The following STARD13 variants were observed in gnomAD, a reference collection of about 807,000 sequenced individuals.
The protein encoded by STARD13 is stAR-related lipid transfer protein 13.
A neutral mutation model predicts 106.4 loss-of-function variants in STARD13; 62 were observed. The ratio of observed to expected loss-of-function variants is 0.58; its 90% CI spans 0.48 to 0.72. The LOEUF (loss-of-function observed/expected upper bound fraction) is 0.72. STARD13 is among the 30% of genes least tolerant of loss of function. The pLI is 0.00. For synonymous variants in STARD13, 565 were observed against 553.0 expected (o/e 1.02, Z -0.31); for missense variants, 1,387 against 1,424.0 (o/e 0.97, Z 0.42).
At chr13:33,542,831 A>G in the STARD13 span, among the ~76,000 whole-genome samples, 1 of 152,106 alleles carries the variant, frequency 6.6e-6, no homozygotes, top group Non-Finnish European at 1.5e-5. Context: ...CGGCAGCGCC[A>G]TCTGGTGCCG....
At chr13:33,372,162 C>T in the STARD13 span, among the ~76,000 whole-genome samples, 2 of 152,140 alleles carry the variant, frequency 1.3e-5, no homozygotes, top group African/African-American at 4.8e-5. Flanking sequence ...TATATGTAAC[C>T]TCCATATATC....
At chr13:33,599,884 G>A in the STARD13 span, among the ~76,000 whole-genome samples, 6 of 152,204 alleles carry the variant, frequency 3.9e-5, no homozygotes, top group African/African-American at 1.4e-4. Flanking sequence ...TAGCTGAAAT[G>A]TTGTTCTGAA....
chr13:33,554,598 AG>A, the STARD13 span, among the ~76,000 whole-genome samples: 3 of 152,256 alleles, frequency 2.0e-5, no homozygotes, highest in Non-Finnish European at 4.4e-5. Flanking sequence ...GTTATTACAA[AG>A]TAAAGTTACC....
In STARD13 at chr13:33,165,230, A is replaced by G. The variant is rs565873518; in HGVS notation, c.323+107T>C. Reference sequence around the variant, plus strand: ...CCTGCACCTGGGTCAGGCACATGGTAGGCACTCAGTGAATACTTGCCGAAT... The same window carrying G: ...CCTGCACCTGGGTCAGGCACATGGTGGGCACTCAGTGAATACTTGCCGAAT... On this transcript the variant is annotated intron_variant, in intron 3 of 13. Transcript: ENST00000336934. The G allele has an allele frequency of 7.6e-5, 63 of 825,538 alleles. No homozygotes were observed. In the South Asian group the frequency reaches 8.7e-4, roughly 11 times the overall value. 51.1% of individuals were successfully genotyped at this position (825,538 alleles called of 1,614,324 possible).
the STARD13 span, among the ~76,000 whole-genome samples, chr13:33,479,433 G>A: frequency 2.0e-5 from 3 of 152,240 alleles, no homozygotes; most frequent in East Asian, 5.8e-4. Flanking sequence ...ACTACATCGT[G>A]GCATTATTTG....
In STARD13 at chr13:33,163,830, T is replaced by G. The variant is rs113294650; in HGVS notation, c.323+1507A>C. On this transcript the variant is annotated intron_variant, in intron 3 of 13. Coordinates refer to ENST00000336934, the MANE Select transcript of STARD13 (RefSeq NM_178006.4). Reference sequence around the variant, plus strand: ...TTCAATGGGAAAAAATAATATATAATTTTTCAAATATTAAAAAAAGCCAAC... The same window carrying G: ...TTCAATGGGAAAAAATAATATATAAGTTTTCAAATATTAAAAAAAGCCAAC... Among the ~76,000 whole-genome samples, 1,027 of 149,896 alleles carry G rather than the reference T, an allele frequency of 6.9e-3. 5 individuals carry two copies. The highest frequency in any genetic ancestry group is 0.023 in the African/African-American group (921 of 40,930).
At chr13:33,530,737 T>G in the STARD13 span, among the ~76,000 whole-genome samples, 1 of 152,318 alleles carries the variant, frequency 6.6e-6, no homozygotes, top group South Asian at 2.1e-4. Context: ...TTAGCAGCTA[T>G]TCATGCGAAA....
At chr13:33,587,664 T>G in the STARD13 span, among the ~76,000 whole-genome samples, 2 of 152,212 alleles carry the variant, frequency 1.3e-5, no homozygotes, top group African/African-American at 4.8e-5. Flanking sequence ...TCATTAGGTC[T>G]GAGATGGAGC....
At chr13:33,668,509 C>T in the STARD13 span, among the ~76,000 whole-genome samples, 1 of 152,126 alleles carries the variant, frequency 6.6e-6, no homozygotes, top group Non-Finnish European at 1.5e-5. Flanking sequence ...CTTAAAATTC[C>T]AAGAAAAGAA....
intron 1 of STARD13, among the ~76,000 whole-genome samples, chr13:33,256,252 A>G (rs1195361148): frequency 6.6e-6 from 1 of 152,198 alleles, no homozygotes; most frequent in Non-Finnish European, 1.5e-5. Context: ...TCCTGGGTCA[A>G]TGATGTGCAT....
chr13:33,115,417 G>T (rs535675227), intron 8 of STARD13, among the ~76,000 whole-genome samples: 157 of 152,336 alleles, frequency 1.0e-3, no homozygotes, highest in Non-Finnish European at 1.8e-3. Context: ...TGCTCGTCCA[G>T]TTCGGTGCCT....
the STARD13 span, among the ~76,000 whole-genome samples, chr13:33,574,965 G>A: frequency 1.5e-5 from 2 of 133,492 alleles, no homozygotes; most frequent in African/African-American, 5.7e-5. Flanking sequence ...TTGCCCAGCT[G>A]GAGTGCAGAG....
At chr13:33,335,648 T>C (rs966643407) in intron 1 of STARD13, among the ~76,000 whole-genome samples, 1 of 152,230 alleles carries the variant, frequency 6.6e-6, no homozygotes, top group Non-Finnish European at 1.5e-5. Flanking sequence ...CACGTACCAT[T>C]ATGTAGTCTG....
chr13:33,118,003 A>T (rs776097177), intron 8 of STARD13, 62 bp downstream of exon 8: 10 of 1,605,880 alleles, frequency 6.2e-6, no homozygotes, highest in African/African-American at 1.3e-5. Context: ...ATCTATAGGG[A>T]ATTATTTTCA....
the STARD13 span, among the ~76,000 whole-genome samples, chr13:33,518,031 A>G: frequency 3.3e-5 from 5 of 151,658 alleles, no homozygotes; most frequent in South Asian, 2.1e-4. Context: ...CAACAACAAC[A>G]ACAACAATCT....
the STARD13 span, among the ~76,000 whole-genome samples, chr13:33,668,946 T>C: frequency 3.9e-5 from 6 of 152,368 alleles, no homozygotes; most frequent in South Asian, 1.2e-3. Context: ...TTTTATTTAA[T>C]TGTCTTAACA....
At chr13:33,619,992 G>A in the STARD13 span, among the ~76,000 whole-genome samples, 1 of 152,096 alleles carries the variant, frequency 6.6e-6, no homozygotes, top group African/African-American at 2.4e-5. Flanking sequence ...GGGAGCCGGA[G>A]GTTGCAGTGA....
the STARD13 span, among the ~76,000 whole-genome samples, chr13:33,601,935 G>A: frequency 6.6e-6 from 1 of 152,186 alleles, no homozygotes; most frequent in African/African-American, 2.4e-5. Flanking sequence ...TCCTTTCAGA[G>A]AGAATGGCTT....
At chr13:33,214,176 G>A (rs1208149814) in intron 1 of STARD13, among the ~76,000 whole-genome samples, 2 of 152,172 alleles carry the variant, frequency 1.3e-5, no homozygotes, top group African/African-American at 4.8e-5. Context: ...ACTTAAAGAG[G>A]ATTCTGAAAG....
Sources: gnomAD v4.1 joint callset for allele counts (sites outside exome capture counted in the v4.1 genomes callset) on GRCh38, gnomAD v4.1.1 for gene constraint, MANE v1.5 for transcripts, NCBI Gene and HGNC (gene_info 2026-07-23, HGNC 2026-07-21) for gene names.